The following SP100 variants were observed in gnomAD, a reference collection of about 807,000 sequenced individuals.
The protein encoded by SP100 is SP100 nuclear body protein, also known as nuclear autoantigen Sp-100.
Under a neutral mutation model 130.0 loss-of-function variants are expected in SP100, and 84 were observed. That is an observed-to-expected ratio of 0.65 (90% CI 0.54 to 0.77). SP100 has a LOEUF of 0.77. SP100 is among the 30% of genes least tolerant of loss of function. SP100 has a pLI of 0.00. For missense variants in SP100, 978 were observed against 1,052.2 expected (o/e 0.93, Z 0.97); for synonymous variants, 331 against 351.7 (o/e 0.94, Z 0.66).
chr2:230,503,203 A>G (rs2067133816), intron 20 of SP100, 93 bp downstream of exon 20: 1 of 890,730 alleles, frequency 1.1e-6, no homozygotes, highest in Non-Finnish European at 1.7e-6. Flanking sequence ...CTTAATTGGC[A>G]TATGGAGCTA....
chr2:230,444,529 G>A (rs955593768), intron 4 of SP100, among the ~76,000 whole-genome samples, 183 bp downstream of exon 4: 9 of 152,136 alleles, frequency 5.9e-5, no homozygotes, highest in East Asian at 1.9e-4. Flanking sequence ...ACAAGTACCC[G>A]GAGGTCTGCT....
chr2:230,432,323 A>G (rs1057334868), intron 2 of SP100, among the ~76,000 whole-genome samples: 13 of 152,090 alleles, frequency 8.5e-5, no homozygotes, highest in South Asian at 4.1e-4. Context: ...TTTTTTGACT[A>G]TTATGAATAA....
At chr2:230,451,799 TTTGAG>T (rs1478638304) in intron 8 of SP100, among the ~76,000 whole-genome samples, 1 of 115,438 alleles carries the variant, frequency 8.7e-6, no homozygotes, top group Non-Finnish European at 2.0e-5. Context: ...TTTAGTCCAT[TTTGAG>T]TTAATTTTTT....
intron 2 of SP100, among the ~76,000 whole-genome samples, chr2:230,426,144 A>T (rs1207181136): frequency 6.6e-6 from 1 of 151,968 alleles, no homozygotes; most frequent in Non-Finnish European, 1.5e-5. Context: ...CTCTTTTTTA[A>T]CTTGGTTAGT....
chr2:230,531,440 G>A (rs1381970467), intron 24 of SP100, among the ~76,000 whole-genome samples: 3 of 151,550 alleles, frequency 2.0e-5, no homozygotes, highest in African/African-American at 7.3e-5. Context: ...GCTGGGGGAG[G>A]GATAGCATTA....
chr2:230,417,872 C>G (rs1170671542), intron 2 of SP100, among the ~76,000 whole-genome samples: 1 of 152,024 alleles, frequency 6.6e-6, no homozygotes, highest in Non-Finnish European at 1.5e-5. Context: ...TATAAATATA[C>G]TTTTCTTGTC....
intron 2 of SP100, among the ~76,000 whole-genome samples, chr2:230,428,113 C>T (rs2062989943): frequency 6.6e-6 from 1 of 152,128 alleles, no homozygotes; most frequent in African/African-American, 2.4e-5. Flanking sequence ...TGCCTGTAGT[C>T]CCAGCTACTC....
At chr2:230,517,626 A>G (rs529355205) in intron 24 of SP100, among the ~76,000 whole-genome samples, 3 of 152,088 alleles carry the variant, frequency 2.0e-5, no homozygotes, top group Admixed American at 6.6e-5. Context: ...TTAACCAGGC[A>G]TGGTGGCATG....
At chr2:230,489,964 T>C (rs1200907954) in intron 17 of SP100, among the ~76,000 whole-genome samples, 1 of 152,220 alleles carries the variant, frequency 6.6e-6, no homozygotes, top group African/African-American at 2.4e-5. Flanking sequence ...AAGTACCATG[T>C]GACACTGAAA....
chr2:230,432,271 A>AT (rs1231026644), intron 2 of SP100, among the ~76,000 whole-genome samples: 3 of 151,928 alleles, frequency 2.0e-5, no homozygotes, highest in African/African-American at 4.8e-5. Flanking sequence ...TATCAATGGT[A>AT]TTTTTTCATT....
intron 15 of SP100, among the ~76,000 whole-genome samples, chr2:230,470,686 T>A (rs747862375): frequency 6.6e-6 from 1 of 152,074 alleles, no homozygotes; most frequent in African/African-American, 2.4e-5. Context: ...AGGAAATAGA[T>A]GTACAGAAGT....
chr2:230,514,977 C>T, intron 24 of SP100: 1 of 1,520,818 alleles, frequency 6.6e-7, no homozygotes, highest in Non-Finnish European at 8.7e-7. Flanking sequence ...GAGAGCTGGA[C>T]AGGCCCTGGG....
At chr2:230,491,017 C>G (rs149749724) in intron 17 of SP100, among the ~76,000 whole-genome samples, 3 of 152,166 alleles carry the variant, frequency 2.0e-5, no homozygotes, top group African/African-American at 7.2e-5. Context: ...TGCATGTTGG[C>G]CTGCCTTGCT....
At chr2:230,437,072 A>C (rs141151031) in intron 2 of SP100, among the ~76,000 whole-genome samples, 38 of 152,006 alleles carry the variant, frequency 2.5e-4, no homozygotes, top group Non-Finnish European at 5.2e-4. Context: ...TATTTAAATG[A>C]CTTCACCATT....
chr2:230,521,353 A>G (rs1242411155), intron 24 of SP100, among the ~76,000 whole-genome samples: 2 of 152,188 alleles, frequency 1.3e-5, no homozygotes, highest in Non-Finnish European at 2.9e-5. Flanking sequence ...AGATTGTAAC[A>G]AGGAGCTGAA....
At chr2:230,455,483 C>A (rs1190482965) in intron 8 of SP100, among the ~76,000 whole-genome samples, 1 of 152,152 alleles carries the variant, frequency 6.6e-6, no homozygotes, top group African/African-American at 2.4e-5. Flanking sequence ...CTTTTTCTAT[C>A]TTTTCACTTT....
chr2:230,541,756 C>T (rs1692187926), intron 27 of SP100, 136 bp from the exon 28 acceptor site: 1 of 866,622 alleles, frequency 1.2e-6, no homozygotes, highest in Non-Finnish European at 1.8e-6. Flanking sequence ...TCCCAAAGGT[C>T]CCACCTCCTA....
Position 230,418,290 on chromosome 2 carries a change from A to G in SP100, c.107+625A>G, listed in dbSNP as rs375487610. Among the ~76,000 whole-genome samples the G allele has an allele frequency of 8.5e-5, 13 of 152,088 alleles. No homozygotes were observed. The East Asian group carries it at 1.3e-3, about 16-fold the overall frequency. On this transcript the variant is annotated intron_variant, in intron 2 of 28. Transcript: ENST00000340126. ...GGTTTCTTGTTTCTTGTCATTTCTA[A>G]TTTTTTAAAAATTGATAGTGTTTAT...
Position 230,449,568 on chromosome 2 carries a change from C to G in SP100, c.594C>G (p.Thr198=), listed in dbSNP as rs757329734. Residue 198 remains threonine (T), a synonymous_variant, in exon 7 of 29, where the codon ACC becomes ACG. Transcript: ENST00000340126. The part of the protein sequence containing the change: ...PSGSPSHAGT[T]PPENGLSEHP... ...AATCAAACCATGGTTTAGGTACAAC[C>G]CCACCTGAAAATGGACTCTCAGAGC... The G allele has an allele frequency of 6.2e-7, 1 of 1,613,932 alleles. No homozygotes were observed. The highest frequency in any genetic ancestry group is 8.5e-7 in the Non-Finnish European group (1 of 1,179,946).
Sources: gnomAD v4.1 joint callset for allele counts (sites outside exome capture counted in the v4.1 genomes callset) on GRCh38, gnomAD v4.1.1 for gene constraint, MANE v1.5 for transcripts, NCBI Gene and HGNC (gene_info 2026-07-23, HGNC 2026-07-21) for gene names.